Variants in TMPRSS11A observed in about 807,000 individuals in gnomAD.
TMPRSS11A encodes the protein transmembrane protease serine 11A.
Under a neutral mutation model 58.9 loss-of-function variants are expected in TMPRSS11A, and 53 were observed. The observed-to-expected ratio is 0.90, with a 90% CI of 0.72 to 1.13. The LOEUF is 1.13. Among genes scored for constraint, TMPRSS11A ranks in the 50% most tolerant of loss-of-function variants. The pLI, the probability that TMPRSS11A is intolerant of heterozygous loss-of-function variation, is 0.00. For missense variants in TMPRSS11A, 493 were observed against 499.3 expected, an observed-to-expected ratio of 0.99 and a Z score of 0.12; for synonymous variants, 167 against 169.8, an observed-to-expected ratio of 0.98 and a Z score of 0.13.
Position 67,922,898 on chromosome 4 carries a change from G to T in TMPRSS11A, c.549C>A (p.Asn183Lys), listed in dbSNP as rs139180713. 1.9e-6 allele frequency: 3 copies of T among 1,613,980 alleles called. No homozygotes were observed. Among genetic ancestry groups the T allele is most frequent in the Non-Finnish European group, 2.5e-6 (3 of 1,180,002 alleles). The part of the protein sequence containing the change: ...ASCGKRVVPL[N>K]VNRIASGVIA... ...TGACTCCAGATGCTATTCTGTTGAC[G>T]TTTAATGGAACAACTCGTTTACCAC... The change falls in exon 7 of 10, where the codon AAC (asparagine) becomes AAA (lysine). Residue 183 changes from asparagine to lysine, a missense_variant. By Grantham distance (94) the Asn-to-Lys change is moderately conservative. Transcript: ENST00000508048.
chr4:67,914,842 A>C (rs1241358307), intron 8 of TMPRSS11A, 112 bp from the exon 9 acceptor site: 3 of 818,534 alleles, frequency 3.7e-6, no homozygotes, highest in Non-Finnish European at 5.7e-6. Context: ...ATACAGAATG[A>C]AGTTAATATA....
intron 1 of TMPRSS11A, among the ~76,000 whole-genome samples, chr4:67,959,285 A>G (rs899487880): frequency 2.0e-5 from 3 of 150,504 alleles, no homozygotes; most frequent in African/African-American, 7.3e-5. Context: ...CCTTCTTAAC[A>G]TCAACCCTGG....
chr4:67,961,576 A>AT (rs5859112), intron 1 of TMPRSS11A, among the ~76,000 whole-genome samples: 142,041 of 142,242 alleles, frequency 1, 70,922 homozygotes, highest in Middle Eastern at 1. Context: ...TAGTGGCATG[A>AT]TTTGGCTCAC....
chr4:67,931,238 C>T (rs2109749134), intron 4 of TMPRSS11A, among the ~76,000 whole-genome samples: 1 of 152,198 alleles, frequency 6.6e-6, no homozygotes, highest in African/African-American at 2.4e-5. Flanking sequence ...GTTACTCAGT[C>T]AAGACATAGA....
Position 67,914,676 on chromosome 4 carries a change from A to T in TMPRSS11A, c.1007T>A (p.Val336Asp). ...EARVKIISDD[V>D]CKQPQVYGND... ...GCCATACACCTGTGGTTGCTTGCAG[A>T]CATCATCACTTATGATTTTCACTCT... The change falls in exon 9 of 10, where the codon GTC becomes GAC. Residue 336 changes from valine to aspartate, a missense_variant. Physicochemically the swap from Val to Asp is radical, Grantham distance 152. Coordinates refer to ENST00000508048, the MANE Select transcript of TMPRSS11A (RefSeq NM_001114387.2). 6.2e-7 allele frequency: 1 copy of T among 1,613,500 alleles called. No individual in the cohort carries two copies. The highest frequency in any genetic ancestry group is 2.2e-5 in the East Asian group (1 of 44,814).
intron 5 of TMPRSS11A, among the ~76,000 whole-genome samples, chr4:67,925,595 T>C (rs17088773): frequency 0.54 from 81,435 of 152,026 alleles, 22,084 homozygotes; most frequent in East Asian, 0.68. Context: ...TCCCAAATCA[T>C]TGTATGGTGA....
chr4:67,926,224 C>T (rs1404967879), intron 5 of TMPRSS11A, among the ~76,000 whole-genome samples: 3 of 111,888 alleles, frequency 2.7e-5, no homozygotes, highest in Non-Finnish European at 6.3e-5. Context: ...ACCCACACCA[C>T]ACAGTTTTTT....
rs747843408 is a variant in TMPRSS11A at position 67,932,098 on chromosome 4, A to G, written c.253-38T>C. ...AAGAGAGAAACTATGTGTTAATAATATATTTTATAATAGGAATATATCCTT... is the reference window on the plus strand; with the variant it reads ...AAGAGAGAAACTATGTGTTAATAATGTATTTTATAATAGGAATATATCCTT... On this transcript the variant is annotated intron_variant, in intron 3 of 9. Transcript: ENST00000508048. 6.8e-6 allele frequency: 8 copies of G among 1,168,522 alleles called. No homozygotes were observed. The Admixed American group carries it at 1.1e-4, about 16-fold the overall frequency. 72.4% of individuals were successfully genotyped at this position (1,168,522 alleles called of 1,614,324 possible).
intron 8 of TMPRSS11A, 63 bp downstream of exon 8, chr4:67,918,910 G>C: frequency 1.9e-6 from 3 of 1,562,506 alleles, no homozygotes; most frequent in Non-Finnish European, 2.6e-6. Context: ...AATATTGATG[G>C]AGATGAAATC....
chr4:67,942,824 A>T (rs190625208), intron 3 of TMPRSS11A, among the ~76,000 whole-genome samples: 3 of 152,184 alleles, frequency 2.0e-5, no homozygotes, highest in Non-Finnish European at 4.4e-5. Context: ...GAAGATACAC[A>T]CTATGAATTA....
chr4:67,928,736 A>C (rs1386433367), intron 5 of TMPRSS11A, among the ~76,000 whole-genome samples: 1 of 152,168 alleles, frequency 6.6e-6, no homozygotes, highest in Non-Finnish European at 1.5e-5. Flanking sequence ...TGCCCATTCC[A>C]TTACCTCACA....
chr4:67,911,328 A>G lies in TMPRSS11A; in HGVS notation c.*14T>C. 1.2e-6 allele frequency: 2 copies of G among 1,612,200 alleles called. No individual in the cohort carries two copies. The highest frequency in any genetic ancestry group is 1.7e-6 in the Non-Finnish European group (2 of 1,178,804). ...ACCTGCATACAGCTTTCTTTGTTTAACTTTTATCGTGAATTAGATGCCTGT... is the reference window on the plus strand; with the variant it reads ...ACCTGCATACAGCTTTCTTTGTTTAGCTTTTATCGTGAATTAGATGCCTGT... On this transcript the variant is annotated 3_prime_UTR_variant, in exon 10 of 10. Transcript: ENST00000508048.
chr4:67,911,387 T>C lies in TMPRSS11A; in HGVS notation c.1212A>G (p.Gln404=), dbSNP rs373272353. The stretch of plus-strand genomic sequence containing the variant: ...CAATCCAGTTTCGGTAATAAGTCAC[T>C]TGTGTGTAGACTCCAGGCTTGTCCT... ...GQKDKPGVYT[Q]VTYYRNWIAS... The change falls in exon 10 of 10, where the codon CAA becomes CAG. Residue 404 remains glutamine, a synonymous_variant. Transcript: ENST00000508048. 4.3e-6 allele frequency: 7 copies of C among 1,613,502 alleles called. No individual in the cohort carries two copies. The African/African-American group carries it at 8.0e-5, about 18-fold the overall frequency.
intron 1 of TMPRSS11A, among the ~76,000 whole-genome samples, chr4:67,949,071 A>C (rs552213812): frequency 6.6e-6 from 1 of 152,322 alleles, no homozygotes; most frequent in Admixed American, 6.5e-5. Flanking sequence ...TGTGTCTTCA[A>C]GTCATTTGAA....
At chr4:67,962,222 C>T (rs1234904693) in intron 1 of TMPRSS11A, among the ~76,000 whole-genome samples, 1 of 151,916 alleles carries the variant, frequency 6.6e-6, no homozygotes, top group Non-Finnish European at 1.5e-5. Flanking sequence ...CATTGAAGAC[C>T]CTTTCTGAGG....
At chr4:67,926,436 T>C (rs186399106) in intron 5 of TMPRSS11A, among the ~76,000 whole-genome samples, 51 of 152,340 alleles carry the variant, frequency 3.3e-4, no homozygotes, top group Non-Finnish European at 6.2e-4. Flanking sequence ...GTGCCTTTCT[T>C]AAGTGCTAGT....
chr4:67,924,169 G>A lies in TMPRSS11A; in HGVS notation c.482-3C>T. On this transcript the variant is annotated splice_polypyrimidine_tract_variant and splice_region_variant and intron_variant, in intron 5 of 9. Coordinates refer to ENST00000508048, the MANE Select transcript of TMPRSS11A (RefSeq NM_001114387.2). ...CTCCCCTGTTGATGAGCTCATTGCT[G>A]AAAAAGAAGATAAAACAAATAGTGA... 1 of 1,612,660 alleles carries A rather than the reference G, an allele frequency of 6.2e-7. No homozygotes were observed. Among genetic ancestry groups the A allele is most frequent in the Non-Finnish European group, 8.5e-7 (1 of 1,178,954 alleles).
rs753516289 is a variant in TMPRSS11A, at chr4:67,909,805, AAACAT to A, written c.*1532_*1536del. The A allele has an allele frequency of 5.9e-5, 9 of 152,144 alleles. No homozygotes were observed. The highest frequency in any genetic ancestry group is 1.2e-4 in the Non-Finnish European group (8 of 67,968). The allele number at this position is 152,144 out of a possible 1,614,324, so 9.4% of individuals were successfully genotyped here. ...TAGTTAAGAATATACTCATATTCTT[AAACAT>A]AACATAAGTATATTGGCCTATGTGA... On this transcript the variant is annotated 3_prime_UTR_variant, in exon 10 of 10. Transcript: ENST00000508048.
chr4:67,944,739 T>G, intron 2 of TMPRSS11A, 102 bp from the exon 3 acceptor site: 1 of 871,098 alleles, frequency 1.1e-6, no homozygotes, highest in Non-Finnish European at 1.7e-6. Flanking sequence ...TCCCTGAGCC[T>G]CTTCATAATT....
Sources: gnomAD v4.1 joint callset for allele counts (sites outside exome capture counted in the v4.1 genomes callset) on GRCh38, gnomAD v4.1.1 for gene constraint, MANE v1.5 for transcripts, NCBI Gene and HGNC (gene_info 2026-07-23, HGNC 2026-07-21) for gene names.